POLD3: variants seen among roughly 807,000 people sequenced by gnomAD.
The protein encoded by POLD3 is DNA polymerase delta 3, accessory subunit.
A neutral mutation model predicts 58.2 loss-of-function variants in POLD3; 19 were observed. That is an observed-to-expected ratio of 0.33 (90% confidence interval 0.23 to 0.48). The LOEUF is 0.48. Ranked by LOEUF, POLD3 falls within the 20% of genes least tolerant of loss-of-function variation. The pLI, the probability that POLD3 is intolerant of heterozygous loss-of-function variation, is 0.99. For synonymous variants in POLD3, 172 were observed against 193.5 expected (o/e 0.89, Z 0.92); for missense variants, 504 against 545.5 (o/e 0.92, Z 0.76).
intron 11 of POLD3, among the ~76,000 whole-genome samples, chr11:74,636,783 G>C (rs76174092): frequency 1.3e-3 from 192 of 152,234 alleles, no homozygotes; most frequent in African/African-American, 4.5e-3. Flanking sequence ...TCTTCAGAAG[G>C]GTATGACTCA....
intron 7 of POLD3, among the ~76,000 whole-genome samples, chr11:74,621,141 G>A (rs1038175069): frequency 1.1e-4 from 16 of 152,134 alleles, no homozygotes; most frequent in Non-Finnish European, 2.1e-4. Flanking sequence ...GTTAAAACAG[G>A]TCTCCAACCC....
chr11:74,622,670 A>G (rs1176593546), intron 7 of POLD3, among the ~76,000 whole-genome samples: 1 of 152,226 alleles, frequency 6.6e-6, no homozygotes, highest in Non-Finnish European at 1.5e-5. Context: ...TGAACCATTT[A>G]AAACTTAATA....
intron 11 of POLD3, among the ~76,000 whole-genome samples, chr11:74,638,923 G>A (rs192883407): frequency 9.5e-4 from 144 of 152,224 alleles, no homozygotes; most frequent in Non-Finnish European, 2.5e-4. Flanking sequence ...GTATTTTTTA[G>A]CCTCTAAGTG....
intron 4 of POLD3, among the ~76,000 whole-genome samples, chr11:74,666,889 T>C (rs185647965): frequency 2.6e-4 from 40 of 150,964 alleles, no homozygotes; most frequent in Middle Eastern, 3.4e-3. Context: ...AATAGGTATC[T>C]AGATCAGTGA....
At chr11:74,625,625 G>A in intron 8 of POLD3, 52 bp downstream of exon 8, 1 of 1,467,530 alleles carries the variant, frequency 6.8e-7, no homozygotes, top group Non-Finnish European at 9.3e-7. Context: ...GGGGTGAGAA[G>A]GTCTCTTTGG....
intron 3 of POLD3, among the ~76,000 whole-genome samples, chr11:74,605,478 A>G (rs2031643467): frequency 1.3e-5 from 2 of 152,122 alleles, no homozygotes; most frequent in South Asian, 4.1e-4. Context: ...CTCTGCTAAG[A>G]TATCTTGTTC....
chr11:74,604,508 C>T (rs1408115398), intron 2 of POLD3, 184 bp from the exon 3 acceptor site: 7 of 560,576 alleles, frequency 1.2e-5, no homozygotes, highest in Non-Finnish European at 2.2e-5. Flanking sequence ...ACTCTACTCC[C>T]CATGTCCTGT....
chr11:74,656,386 A>T (rs1043767947), intron 4 of POLD3, among the ~76,000 whole-genome samples: 1 of 152,172 alleles, frequency 6.6e-6, no homozygotes, highest in African/African-American at 2.4e-5. Flanking sequence ...CAGAAGTTTG[A>T]GACCAGCCTG....
chr11:74,615,375 G>T (rs1037634744), intron 5 of POLD3, among the ~76,000 whole-genome samples: 1 of 152,184 alleles, frequency 6.6e-6, no homozygotes, highest in Non-Finnish European at 1.5e-5. Flanking sequence ...AAGGAAAGAG[G>T]TTCAAGTAGG....
chr11:74,610,432 A>G (rs1302850959), intron 3 of POLD3, among the ~76,000 whole-genome samples: 1 of 152,060 alleles, frequency 6.6e-6, no homozygotes, highest in African/African-American at 2.4e-5. Flanking sequence ...GGAGGTCTCC[A>G]TCTCTTGACC....
chr11:74,617,461 G>C (rs566488051), intron 5 of POLD3, among the ~76,000 whole-genome samples: 10 of 152,292 alleles, frequency 6.6e-5, no homozygotes, highest in Non-Finnish European at 1.5e-5. Context: ...GAGCGCAGTA[G>C]TGTGATCTTG....
At chr11:74,633,775 A>G (rs527920425) in intron 9 of POLD3, among the ~76,000 whole-genome samples, 3 of 152,266 alleles carry the variant, frequency 2.0e-5, no homozygotes, top group East Asian at 3.9e-4. Flanking sequence ...TTTTTTCCTA[A>G]AAGTGTTCTT....
intron 3 of POLD3, among the ~76,000 whole-genome samples, chr11:74,607,076 T>A (rs933120391): frequency 6.6e-6 from 1 of 151,988 alleles, no homozygotes; most frequent in Non-Finnish European, 1.5e-5. Flanking sequence ...ACCTATGCCT[T>A]TTTTCCCTTA....
downstream of POLD3, among the ~76,000 whole-genome samples, chr11:74,644,575 G>A (rs929201134): frequency 3.3e-5 from 5 of 152,258 alleles, no homozygotes. Flanking sequence ...GTTCTTAGGT[G>A]CGGACCACCC....
intron 4 of POLD3, among the ~76,000 whole-genome samples, chr11:74,664,037 G>A (rs2033236322): frequency 6.6e-6 from 1 of 152,160 alleles, no homozygotes; most frequent in Non-Finnish European, 1.5e-5. Context: ...ACATGAAAAT[G>A]TGTTTTAATA....
At chr11:74,665,843 TAAGAC>T (rs2033262267) in intron 4 of POLD3, among the ~76,000 whole-genome samples, 1 of 152,130 alleles carries the variant, frequency 6.6e-6, no homozygotes, top group Non-Finnish European at 1.5e-5. Flanking sequence ...GGATCAAAAA[TAAGAC>T]AAGGAAGTCT....
At chr11:74,595,245 C>T (rs1373612652) in intron 2 of POLD3, 1 of 150,404 alleles carries the variant, frequency 6.6e-6, no homozygotes, top group African/African-American at 2.4e-5. Context: ...GATCCTCCCG[C>T]CTCAGCCTAC....
intron 2 of POLD3, chr11:74,595,166 T>C (rs2031187339): frequency 6.8e-5 from 1 of 14,728 alleles, no homozygotes; most frequent in South Asian, 2.0e-3. Flanking sequence ...GGATGAACTC[T>C]TTTTTTTTTT....
At chr11:74,646,895 A>G (rs1020126279), downstream of POLD3, among the ~76,000 whole-genome samples, 2 of 152,218 alleles carry the variant, frequency 1.3e-5, no homozygotes, top group Non-Finnish European at 2.9e-5. Context: ...ATGACGGTAC[A>G]GTGCAGTGGT....
Sources: gnomAD v4.1 joint callset for allele counts (sites outside exome capture counted in the v4.1 genomes callset) on GRCh38, gnomAD v4.1.1 for gene constraint, MANE v1.5 for transcripts, NCBI Gene and HGNC (gene_info 2026-07-23, HGNC 2026-07-21) for gene names.